MATN2: variants seen among roughly 807,000 people sequenced by gnomAD.
MATN2 encodes the protein matrilin-2.
A neutral mutation model predicts 103.2 loss-of-function variants in MATN2; 69 were observed. The observed-to-expected ratio is 0.67, with a 90% CI of 0.55 to 0.82. The LOEUF is 0.82. MATN2 is among the 40% of genes least tolerant of loss of function. MATN2 has a pLI of 0.00. For missense variants in MATN2, 1,023 were observed against 1,211.5 expected (o/e 0.84, Z 2.31); for synonymous variants, 429 against 450.2 (o/e 0.95, Z 0.60).
intron 3 of MATN2, among the ~76,000 whole-genome samples, chr8:97,937,970 A>G (rs1441277554): frequency 3.3e-5 from 5 of 152,178 alleles, no homozygotes; most frequent in African/African-American, 1.2e-4. Flanking sequence ...CTGAGCCTTC[A>G]GGTGGTCTAT....
At chr8:97,932,706 G>A (rs1325567204) in intron 3 of MATN2, among the ~76,000 whole-genome samples, 1 of 152,154 alleles carries the variant, frequency 6.6e-6, no homozygotes, top group East Asian at 1.9e-4. Context: ...CAGGGGGCCA[G>A]CCGCCCAATC....
At chr8:97,932,973 G>A (rs1012566495) in intron 3 of MATN2, among the ~76,000 whole-genome samples, 4 of 152,160 alleles carry the variant, frequency 2.6e-5, no homozygotes, top group Admixed American at 6.5e-5. Context: ...GCACCCAGGA[G>A]GGGGTTCTCA....
chr8:98,027,314 C>A, intron 13 of MATN2, 102 bp from the exon 14 acceptor site: 1 of 1,015,246 alleles, frequency 9.8e-7, no homozygotes, highest in African/African-American at 1.6e-5. Context: ...AAAACTGGTT[C>A]CCCAAAGTGG....
intron 10 of MATN2, among the ~76,000 whole-genome samples, chr8:98,010,536 G>A (rs368434257): frequency 1.3e-5 from 2 of 152,170 alleles, no homozygotes; most frequent in East Asian, 1.9e-4. Flanking sequence ...GCAGTGCTAT[G>A]TGAACTTGTG....
At chr8:97,927,180 G>T (rs1262052544) in intron 2 of MATN2, among the ~76,000 whole-genome samples, 5 of 152,210 alleles carry the variant, frequency 3.3e-5, no homozygotes, top group African/African-American at 4.8e-5. Context: ...TTCCACTCTT[G>T]TTGCCCAGGC....
rs145871938 is a variant in MATN2, at chr8:97,973,821, C to T, written c.959-5065C>T. 4.4e-3 allele frequency among the ~76,000 whole-genome samples: 674 copies of T among 152,078 alleles called. 7 individuals carry two copies. Among genetic ancestry groups the T allele is most frequent in the African/African-American group, 0.015 (630 of 41,494 alleles). ...CTGGGCTCAAGCAGTCTGCCTGCCT[C>T]GGCCTCCCAAAGTGCTGGGATTATA... On this transcript the variant is annotated intron_variant, in intron 5 of 18. Transcript: ENST00000254898.
rs1030468454 is a variant in MATN2 at position 97,950,620 on chromosome 8, A to G, written c.835+8721A>G. On this transcript the variant is annotated intron_variant, in intron 4 of 18. Coordinates refer to ENST00000254898, the MANE Select transcript of MATN2 (RefSeq NM_002380.5). ...ACAGAGAGCAGAATATAAAAGATGG[A>G]ATCAGAGAACAATTCTAATCAGTCC... 43 of 152,178 alleles carry G rather than the reference A, an allele frequency of 2.8e-4. 1 individual carries two copies. 9.4% of individuals were successfully genotyped at this position (152,178 alleles called of 1,614,324 possible).
At chr8:97,992,526 T>C (rs906093246) in intron 6 of MATN2, among the ~76,000 whole-genome samples, 7 of 151,718 alleles carry the variant, frequency 4.6e-5, no homozygotes, top group African/African-American at 1.7e-4. Flanking sequence ...GGCAGGTGGA[T>C]CACGAGATCA....
intron 7 of MATN2, among the ~76,000 whole-genome samples, chr8:98,003,021 T>A (rs146817417): frequency 5.3e-5 from 8 of 152,088 alleles, no homozygotes; most frequent in Admixed American, 3.3e-4. Context: ...ACTCCAGCCA[T>A]ACTCAGCTCC....
chr8:97,980,981 G>A (rs1184671249), intron 6 of MATN2, among the ~76,000 whole-genome samples: 2 of 152,156 alleles, frequency 1.3e-5, no homozygotes, highest in East Asian at 3.9e-4. Context: ...TTTGAGACCA[G>A]CCCTGGTAAT....
chr8:97,873,630 G>T (rs760646493), intron 1 of MATN2, among the ~76,000 whole-genome samples: 3 of 152,036 alleles, frequency 2.0e-5, no homozygotes, highest in Admixed American at 2.0e-4. Context: ...ATGCTTGGCT[G>T]TTTTCACATG....
At chr8:97,963,242 A>G (rs1022512349) in intron 5 of MATN2, among the ~76,000 whole-genome samples, 1 of 152,228 alleles carries the variant, frequency 6.6e-6, no homozygotes, top group Non-Finnish European at 1.5e-5. Context: ...TATTTGTTAA[A>G]TGGGTAGAAA....
In MATN2 at chr8:97,897,742, A is replaced by G. The variant is rs1266386459; in HGVS notation, c.142+9500A>G. ...TGGAGGCGCTGTCATGGCCGCCCTCAGCACAGACCTGCTGTTCCCTATCAA... is the reference window on the plus strand; with the variant it reads ...TGGAGGCGCTGTCATGGCCGCCCTCGGCACAGACCTGCTGTTCCCTATCAA... On this transcript the variant is annotated intron_variant, in intron 2 of 18. Coordinates refer to ENST00000254898, the MANE Select transcript of MATN2 (RefSeq NM_002380.5). Among the ~76,000 whole-genome samples the G allele has an allele frequency of 2.1e-4, 32 of 152,322 alleles. 1 individual carries two copies. The highest frequency in any genetic ancestry group is 1.8e-3 in the Admixed American group (27 of 15,300).
intron 5 of MATN2, among the ~76,000 whole-genome samples, chr8:97,976,738 A>AG (rs1563702522): frequency 6.9e-5 from 10 of 144,842 alleles, no homozygotes; most frequent in African/African-American, 2.5e-4. Flanking sequence ...ATTTCCAAAA[A>AG]CTTTTTTTTT....
intron 12 of MATN2, chr8:98,020,977 A>T (rs1403522472): frequency 2.5e-6 from 1 of 392,166 alleles, no homozygotes; most frequent in Non-Finnish European, 4.7e-6. Flanking sequence ...TAAGTCAAGG[A>T]CACCTAATCA....
At chr8:97,922,426 A>G (rs1298293505) in intron 2 of MATN2, among the ~76,000 whole-genome samples, 3 of 152,176 alleles carry the variant, frequency 2.0e-5, no homozygotes, top group Non-Finnish European at 4.4e-5. Flanking sequence ...AAAGAATGTT[A>G]GCCTTTATAG....
At chr8:97,963,574 G>A (rs570928428) in intron 5 of MATN2, among the ~76,000 whole-genome samples, 102 of 152,164 alleles carry the variant, frequency 6.7e-4, no homozygotes, top group Non-Finnish European at 1.2e-3. Context: ...AGCTACAAGC[G>A]TGGGAGGGTA....
chr8:97,998,519 CAAAAAAAA>C (rs58751449), intron 7 of MATN2, among the ~76,000 whole-genome samples: 2 of 111,222 alleles, frequency 1.8e-5, no homozygotes, highest in Non-Finnish European at 3.7e-5. Flanking sequence ...GACTCTGTCT[CAAAAAAAA>C]AAAAAAAAAA....
chr8:97,922,815 C>T (rs2130112961), intron 2 of MATN2, among the ~76,000 whole-genome samples: 1 of 152,338 alleles, frequency 6.6e-6, no homozygotes, highest in East Asian at 1.9e-4. Context: ...TCCTTCCAGA[C>T]TGGCTTGATC....
Sources: allele counts gnomAD v4.1 joint callset (sites outside exome capture counted in the v4.1 genomes callset), GRCh38; gene constraint gnomAD v4.1.1; transcripts MANE v1.5; gene names NCBI Gene and HGNC (gene_info 2026-07-23, HGNC 2026-07-21).